The following ZNF641 variants were observed in gnomAD, a reference collection of about 807,000 sequenced individuals.
The protein encoded by ZNF641 is zinc finger protein 641.
ZNF641 carries 26 observed loss-of-function variants against 46.2 expected under a neutral mutation model. The observed-to-expected ratio is 0.56, with a 90% confidence interval of 0.41 to 0.78. The LOEUF is 0.78. Ranked by LOEUF, ZNF641 falls within the 30% of genes least tolerant of loss-of-function variation. The probability of loss-of-function intolerance (pLI) is 0.00; values close to 1 mark genes in which losing one functional copy is unlikely to be tolerated. For missense variants in ZNF641, 469 were observed against 517.8 expected (o/e 0.91, Z 0.91); for synonymous variants, 163 against 187.9 (o/e 0.87, Z 1.09).
At chr12:48,334,619 G>A (rs551201671), downstream of ZNF641, among the ~76,000 whole-genome samples, 6 of 152,286 alleles carry the variant, frequency 3.9e-5, no homozygotes, top group African/African-American at 9.6e-5. Context: ...TATTATGCAC[G>A]TGAATGCGAG....
chr12:48,336,880 G>C (rs1295859230), downstream of ZNF641, among the ~76,000 whole-genome samples: 2 of 152,174 alleles, frequency 1.3e-5, no homozygotes, highest in Non-Finnish European at 2.9e-5. Context: ...TCCTGGCCCT[G>C]CTCAGCAGTC....
At chr12:48,347,421 G>A in intron 2 of ZNF641, 78 bp from the exon 3 acceptor site, 1 of 1,316,834 alleles carries the variant, frequency 7.6e-7, no homozygotes, top group Non-Finnish European at 1.0e-6. Flanking sequence ...ATTTTAGAGA[G>A]GCTTAAGGGT....
In ZNF641 at chr12:48,348,697, A is replaced by G. The variant is rs12309650; in HGVS notation, c.-25-582T>C. Among the ~76,000 whole-genome samples, 905 of 152,356 alleles carry G rather than the reference A, an allele frequency of 5.9e-3. 7 individuals are homozygous for G. The highest frequency in any genetic ancestry group is 0.02 in the African/African-American group (848 of 41,576). ...TCAATAAAAAGGCACTTGGTCTACCATCCAATGAAAACTGGTAGTAAATAT... is the reference window on the plus strand; with the variant it reads ...TCAATAAAAAGGCACTTGGTCTACCGTCCAATGAAAACTGGTAGTAAATAT... On this transcript the variant is annotated intron_variant, in intron 1 of 5. Coordinates refer to ENST00000547026, the MANE Select transcript of ZNF641 (RefSeq NM_001172681.2).
At chr12:48,349,950 G>C in intron 1 of ZNF641, 2 of 1,461,374 alleles carry the variant, frequency 1.4e-6, no homozygotes, top group Admixed American at 3.3e-5. Flanking sequence ...GCCTCTTTGT[G>C]CAGAGCCCAT....
rs1952644017 is a variant in ZNF641 at position 48,338,285 on chromosome 12, T to C, written c.*4688A>G. The C allele has an allele frequency of 6.6e-6, 1 of 152,234 alleles. No homozygotes were observed. Among genetic ancestry groups the C allele is most frequent in the African/African-American group, 2.4e-5 (1 of 41,444 alleles). 9.4% of individuals were successfully genotyped at this position (152,234 alleles called of 1,614,324 possible). A position where few individuals can be genotyped will look rare whatever the true frequency, so the allele number is the denominator to read the frequency against. On this transcript the variant is annotated 3_prime_UTR_variant, in exon 6 of 6. Transcript: ENST00000547026. ...GAGAACAAATGCCCTTGGAAGGGCA[T>C]GTTATTGCTCAGTCAGAACAAAGCA...
chr12:48,350,359 G>C, intron 1 of ZNF641: 1 of 649,774 alleles, frequency 1.5e-6, no homozygotes, highest in Non-Finnish European at 2.3e-6. Context: ...GGGCATGGGC[G>C]GGACGGGAGC....
chr12:48,345,278 C>T, intron 4 of ZNF641, 67 bp downstream of exon 4: 3 of 1,581,538 alleles, frequency 1.9e-6, no homozygotes, highest in Non-Finnish European at 2.6e-6. Context: ...TATCCAATAG[C>T]CCTGAAGCAG....
At position 48,340,324 on chromosome 12, in the gene ZNF641, A is replaced by C; in HGVS notation, c.*2649T>G. On this transcript the variant is annotated 3_prime_UTR_variant, in exon 6 of 6. Transcript: ENST00000547026. Reference sequence around the variant, plus strand: ...TCACTTTCTATCCCTACAATTACTCAAACAGATAAAAGGCTGGATGTTAAC... The same window carrying C: ...TCACTTTCTATCCCTACAATTACTCCAACAGATAAAAGGCTGGATGTTAAC... 3 of 985,438 alleles carry C rather than the reference A, an allele frequency of 3.0e-6. No homozygotes were observed. The highest frequency in any genetic ancestry group is 3.6e-6 in the Non-Finnish European group (3 of 829,938). The allele number at this position is 985,438 out of a possible 1,614,324, so 61.0% of individuals were successfully genotyped here.
Position 48,339,537 on chromosome 12 carries a change from A to G in ZNF641, c.*3436T>C, listed in dbSNP as rs1425576708. ...TATGGCTCACAAGGGAAAAGAGGAA[A>G]ATTTTGCTAGCTCAGGCTCTCTAAG... is the stretch of plus-strand genomic sequence containing the variant. On this transcript the variant is annotated 3_prime_UTR_variant, in exon 6 of 6. Coordinates refer to ENST00000547026, the MANE Select transcript of ZNF641 (RefSeq NM_001172681.2). The G allele has an allele frequency of 6.6e-6, 1 of 152,114 alleles. No homozygotes were observed. 9.4% of individuals were successfully genotyped at this position (152,114 alleles called of 1,614,324 possible). A position where few individuals can be genotyped will look rare whatever the true frequency, so the allele number is the denominator to read the frequency against.
Position 48,341,116 on chromosome 12 carries a change from C to T in ZNF641, c.*1857G>A, listed in dbSNP as rs1263333205. ...CAGCAAAATAAGTCTATCTTCAATT[C>T]TAGTTGAGTCCAGGACTCTGAGGAG... On this transcript the variant is annotated 3_prime_UTR_variant, in exon 6 of 6. Transcript: ENST00000547026. 8 of 985,330 alleles carry T rather than the reference C, an allele frequency of 8.1e-6. No individual in the cohort carries two copies. The highest frequency in any genetic ancestry group is 1.7e-5 in the African/African-American group (1 of 57,240). 61.0% of individuals were successfully genotyped at this position (985,330 alleles called of 1,614,324 possible). A position where few individuals can be genotyped will look rare whatever the true frequency, so the allele number is the denominator to read the frequency against.
intron 2 of ZNF641, 63 bp downstream of exon 2, chr12:48,347,844 A>C: frequency 6.6e-7 from 1 of 1,520,456 alleles, no homozygotes; most frequent in Non-Finnish European, 9.0e-7. Context: ...TTTTAACCCT[A>C]CTTTTGGAAT....
Position 48,348,034 on chromosome 12 carries a change from C to T in ZNF641, c.57G>A (p.Gln19=), listed in dbSNP as rs1196640431. ...LGTGWESMNV[Q]LDGAEPQVER... ...CCACCTGGGGCTCTGCTCCATCCAG[C>T]TGTACATTCATTGATTCCCATCCTG... The change falls in exon 2 of 6, where the codon CAG becomes CAA. Residue 19 remains glutamine, a synonymous_variant. Transcript: ENST00000547026. 1.9e-6 allele frequency: 3 copies of T among 1,614,226 alleles called. No homozygotes were observed. In the South Asian group the frequency reaches 3.3e-5, roughly 18 times the overall value.
chr12:48,343,274 T>C lies in ZNF641; in HGVS notation c.974A>G (p.Gln325Arg). 6.2e-7 allele frequency: 1 copy of C among 1,614,274 alleles called. No individual in the cohort carries two copies. Among genetic ancestry groups the C allele is most frequent in the Non-Finnish European group, 8.5e-7 (1 of 1,180,052 alleles). ...GGATTTGCCTTCTGCATGCACTCTC[T>C]GGTGGCTGGCCAGATGGGAGTTGCA... ...FRCNSHLASH[Q>R]RVHAEGKSCK... Residue 325 changes from glutamine to arginine, a missense_variant, in exon 6 of 6, where the codon CAG (glutamine) becomes CGG (arginine). Gln to Arg is a conservative substitution (Grantham distance 43, BLOSUM62 1). This residue lies in a region of ZNF641 where 346 missense variants were observed against 354.0 expected (regional missense o/e 0.98). Coordinates refer to ENST00000547026, the MANE Select transcript of ZNF641 (RefSeq NM_001172681.2).
rs767437713 is a variant in ZNF641, at chr12:48,343,233, C to T, written c.1015G>A (p.Val339Ile). ...AEGKSCKGQE[V>I]GESPGTRKRQ... ...TTCCTTGTGCCAGGGCTCTCTCCAACCTCTTGGCCTTTGCAGGATTTGCCT... is the reference window on the plus strand; with the variant it reads ...TTCCTTGTGCCAGGGCTCTCTCCAATCTCTTGGCCTTTGCAGGATTTGCCT... Residue 339 changes from valine to isoleucine, a missense_variant, in exon 6 of 6, where the codon GTT (valine) becomes ATT (isoleucine). Physicochemically the swap from Val to Ile is conservative, Grantham distance 29. Transcript: ENST00000547026. 4 of 1,614,134 alleles carry T rather than the reference C, an allele frequency of 2.5e-6. No individual in the cohort carries two copies. Among genetic ancestry groups the T allele is most frequent in the Non-Finnish European group, 3.4e-6 (4 of 1,180,060 alleles).
chr12:48,342,854 AGGGATG>A lies in ZNF641; in HGVS notation c.*113_*118del. Reference sequence around the variant, plus strand: ...GCCATTGCTGGGACCTCATCTTTCTAGGGATGGGGTCAGGGCTTATGATTCTGGCCA... The same window carrying A: ...GCCATTGCTGGGACCTCATCTTTCTAGGGTCAGGGCTTATGATTCTGGCCA... On this transcript the variant is annotated 3_prime_UTR_variant, in exon 6 of 6. Coordinates refer to ENST00000547026, the MANE Select transcript of ZNF641 (RefSeq NM_001172681.2). The A allele has an allele frequency of 6.8e-7, 1 of 1,461,822 alleles. No individual in the cohort carries two copies. Among genetic ancestry groups the A allele is most frequent in the Non-Finnish European group, 9.0e-7 (1 of 1,113,294 alleles). 90.6% of individuals were successfully genotyped at this position (1,461,822 alleles called of 1,614,324 possible).
At chr12:48,350,130 T>C in intron 1 of ZNF641, 1 of 1,612,744 alleles carries the variant, frequency 6.2e-7, no homozygotes, top group Non-Finnish European at 8.5e-7. Context: ...TCGTTTCTCC[T>C]GGTTCCAGGA....
chr12:48,342,858 A>T lies in ZNF641; in HGVS notation c.*115T>A. The T allele has an allele frequency of 2.0e-6, 3 of 1,466,890 alleles. No homozygotes were observed. The highest frequency in any genetic ancestry group is 2.7e-6 in the Non-Finnish European group (3 of 1,116,004). The allele number at this position is 1,466,890 out of a possible 1,614,324, so 90.9% of individuals were successfully genotyped here. The stretch of plus-strand genomic sequence containing the variant: ...TTGCTGGGACCTCATCTTTCTAGGG[A>T]TGGGGTCAGGGCTTATGATTCTGGC... On this transcript the variant is annotated 3_prime_UTR_variant, in exon 6 of 6. Transcript: ENST00000547026.
chr12:48,346,687 T>C (rs1952880920), intron 3 of ZNF641, among the ~76,000 whole-genome samples: 1 of 152,192 alleles, frequency 6.6e-6, no homozygotes, highest in Non-Finnish European at 1.5e-5. Context: ...AAAATCCTCC[T>C]GTGGATAACA....
chr12:48,336,475 T>G (rs1347440499), downstream of ZNF641, among the ~76,000 whole-genome samples: 1 of 152,202 alleles, frequency 6.6e-6, no homozygotes, highest in East Asian at 1.9e-4. Context: ...GATCATCCCC[T>G]AAGCAATAGG....
Sources: gnomAD v4.1 joint callset for allele counts (sites outside exome capture counted in the v4.1 genomes callset) on GRCh38, gnomAD v4.1.1 for gene constraint, gnomAD v4.1.1 regional missense constraint, MANE v1.5 for transcripts, NCBI Gene and HGNC (gene_info 2026-07-23, HGNC 2026-07-21) for gene names.